The following ELAPOR1 variants were observed in gnomAD, a reference collection of about 807,000 sequenced individuals.
ELAPOR1 encodes endosome/lysosome-associated apoptosis and autophagy regulator 1.
ELAPOR1 carries 77 observed loss-of-function variants against 119.7 expected under a neutral mutation model. The ratio of observed to expected loss-of-function variants is 0.64; its 90% CI spans 0.54 to 0.78. The LOEUF (loss-of-function observed/expected upper bound fraction) is 0.78, where lower values mean the gene tolerates loss of function less well. Ranked by LOEUF, ELAPOR1 falls within the 30% of genes least tolerant of loss-of-function variation. The pLI, the probability that ELAPOR1 is intolerant of heterozygous loss-of-function variation, is 0.00. For synonymous variants in ELAPOR1, 481 were observed against 487.2 expected (o/e 0.99, Z 0.17); for missense variants, 1,115 against 1,270.4 (o/e 0.88, Z 1.86).
intron 2 of ELAPOR1, among the ~76,000 whole-genome samples, chr1:109,163,081 A>T (rs1482936210): frequency 6.6e-6 from 1 of 152,236 alleles, no homozygotes; most frequent in African/African-American, 2.4e-5. Context: ...GACATATATG[A>T]TATGAGAAAG....
chr1:109,160,365 C>G (rs957485847), intron 1 of ELAPOR1, among the ~76,000 whole-genome samples: 1 of 151,358 alleles, frequency 6.6e-6, no homozygotes, highest in East Asian at 1.9e-4. Flanking sequence ...TCTGAAATGC[C>G]ACTGCTTCTA....
intron 1 of ELAPOR1, among the ~76,000 whole-genome samples, chr1:109,148,340 T>C (rs2101014059): frequency 6.6e-6 from 1 of 152,068 alleles, no homozygotes; most frequent in South Asian, 2.1e-4. Context: ...GGTTTCACCA[T>C]GTTGGCCAGG....
intron 15 of ELAPOR1, among the ~76,000 whole-genome samples, chr1:109,196,580 C>T (rs1653805978): frequency 6.7e-6 from 1 of 148,490 alleles, no homozygotes; most frequent in African/African-American, 2.5e-5. Flanking sequence ...AGTTCAAAGA[C>T]AAAAGAACTC....
At chr1:109,200,982 C>G (rs1654137428) in intron 21 of ELAPOR1, 82 bp downstream of exon 21, 3 of 1,392,050 alleles carry the variant, frequency 2.2e-6, no homozygotes, top group Non-Finnish European at 2.9e-6. Flanking sequence ...TGGTCCTGTA[C>G]CGTTCAGGGA....
At chr1:109,127,577 T>A (rs1167843066) in intron 1 of ELAPOR1, among the ~76,000 whole-genome samples, 1 of 152,042 alleles carries the variant, frequency 6.6e-6, no homozygotes, top group Non-Finnish European at 1.5e-5. Flanking sequence ...TTTATTTATT[T>A]ATTTTTTTGA....
At chr1:109,133,926 T>A (rs1384602435) in intron 1 of ELAPOR1, among the ~76,000 whole-genome samples, 2 of 152,216 alleles carry the variant, frequency 1.3e-5, no homozygotes, top group Admixed American at 6.5e-5. Context: ...ATTTCACTTT[T>A]GGATCCAGGC....
At chr1:109,123,906 G>T (rs183566440) in intron 1 of ELAPOR1, among the ~76,000 whole-genome samples, 4 of 152,216 alleles carry the variant, frequency 2.6e-5, no homozygotes, top group African/African-American at 7.2e-5. Flanking sequence ...GGGTTCAAGC[G>T]ATTCTCCTGC....
At chr1:109,127,182 G>T (rs1384726528) in intron 1 of ELAPOR1, among the ~76,000 whole-genome samples, 1 of 149,404 alleles carries the variant, frequency 6.7e-6, no homozygotes, top group Non-Finnish European at 1.5e-5. Flanking sequence ...TATTTCCTGG[G>T]CCCTCCACTG....
At chr1:109,122,534 G>T (rs1429606591) in intron 1 of ELAPOR1, among the ~76,000 whole-genome samples, 1 of 151,638 alleles carries the variant, frequency 6.6e-6, no homozygotes, top group South Asian at 2.1e-4. Flanking sequence ...GGTGGCCCAC[G>T]CCTGTAGACC....
intron 7 of ELAPOR1, among the ~76,000 whole-genome samples, chr1:109,178,000 C>A (rs1303319046): frequency 7.1e-6 from 1 of 140,718 alleles, no homozygotes; most frequent in Non-Finnish European, 1.5e-5. Flanking sequence ...TGAGTTTTTT[C>A]TTTTTTCTTT....
intron 8 of ELAPOR1, chr1:109,187,531 T>C (rs967512117): frequency 4.0e-6 from 4 of 1,001,204 alleles, no homozygotes; most frequent in South Asian, 9.4e-5. Context: ...CACGTTTTTG[T>C]CTGTGACTCG....
rs41279686 is a variant in ELAPOR1, at chr1:109,186,741, T to C, written c.1042-1436T>C. On this transcript the variant is annotated intron_variant, in intron 8 of 21. Transcript: ENST00000369939. ...CTGCTGCTCTTCTCCCTCCTGTTCA[T>C]AACATGTGACTGAATGTGGCTGTCT... 4,920 of 985,600 alleles carry C rather than the reference T, an allele frequency of 5.0e-3. 17 individuals carry two copies. The highest frequency in any genetic ancestry group is 5.7e-3 in the Non-Finnish European group (4,721 of 830,014). The allele number at this position is 985,600 out of a possible 1,614,324, so 61.1% of individuals were successfully genotyped here. A position where few individuals can be genotyped will look rare whatever the true frequency, so the allele number is the denominator to read the frequency against.
intron 1 of ELAPOR1, among the ~76,000 whole-genome samples, chr1:109,133,320 T>G (rs1349364922): frequency 6.6e-6 from 1 of 151,642 alleles, no homozygotes; most frequent in Non-Finnish European, 1.5e-5. Flanking sequence ...GACTGGAAAC[T>G]TGACCCTGAG....
rs188100037 is a variant in ELAPOR1 at position 109,115,509 on chromosome 1, G to T, written c.153+1173G>T. Among the ~76,000 whole-genome samples, 12 of 152,132 alleles carry T rather than the reference G, an allele frequency of 7.9e-5. No homozygotes were observed. In the East Asian group the frequency reaches 2.1e-3, roughly 27 times the overall value. On this transcript the variant is annotated intron_variant, in intron 1 of 21. Transcript: ENST00000369939. ...TGCCCCGGCCAGTCTCTAACTCCTGGGCTCAAGCGACTTCCCACCTCGGCC... is the reference window on the plus strand; with the variant it reads ...TGCCCCGGCCAGTCTCTAACTCCTGTGCTCAAGCGACTTCCCACCTCGGCC...
intron 3 of ELAPOR1, among the ~76,000 whole-genome samples, chr1:109,166,624 T>C (rs1007059380): frequency 6.6e-6 from 1 of 152,246 alleles, no homozygotes; most frequent in Non-Finnish European, 1.5e-5. Context: ...AGCAAGGTTA[T>C]GACCTGCTCT....
intron 1 of ELAPOR1, among the ~76,000 whole-genome samples, 198 bp downstream of exon 1, chr1:109,114,534 C>T (rs1647858366): frequency 6.6e-6 from 1 of 152,132 alleles, no homozygotes; most frequent in African/African-American, 2.4e-5. Flanking sequence ...ACGGATAGAT[C>T]ATCCTCACAG....
chr1:109,198,092 A>G lies in ELAPOR1; in HGVS notation c.2399+17A>G. The G allele has an allele frequency of 6.3e-7, 1 of 1,592,000 alleles. No homozygotes were observed. Among genetic ancestry groups the G allele is most frequent in the Non-Finnish European group, 8.6e-7 (1 of 1,159,906 alleles). On this transcript the variant is annotated intron_variant, in intron 17 of 21. Transcript: ENST00000369939. ...CTTTTATAGGTGAAGATGAGAGGCT[A>G]GGCTAATGCAAGTGAAACCTAGGAC...
intron 1 of ELAPOR1, among the ~76,000 whole-genome samples, chr1:109,160,862 CAATT>C (rs1487488256): frequency 1.3e-5 from 2 of 152,148 alleles, no homozygotes; most frequent in Non-Finnish European, 2.9e-5. Context: ...TTTGGCACAT[CAATT>C]GTGTTTTCTT....
chr1:109,191,429 T>C lies in ELAPOR1; in HGVS notation c.1503T>C (p.Phe501=), dbSNP rs148488341. The C allele has an allele frequency of 6.2e-7, 1 of 1,612,888 alleles. No homozygotes were observed. Among genetic ancestry groups the C allele is most frequent in the African/African-American group, 1.3e-5 (1 of 75,048 alleles). Residue 501 remains phenylalanine (F), a synonymous_variant, in exon 12 of 22, where the codon TTT becomes TTC. Coordinates refer to ENST00000369939, the MANE Select transcript of ELAPOR1 (RefSeq NM_020775.5). ...NKEVARITFV[F]ETLCSVNCEL... ...AGGTGGCCAGAATCACATTTGTCTT[T>C]GAGACCCTCTGTTCTGTGAACTGTG...
Sources: allele counts gnomAD v4.1 joint callset (sites outside exome capture counted in the v4.1 genomes callset), GRCh38; gene constraint gnomAD v4.1.1; transcripts MANE v1.5; gene names NCBI Gene and HGNC (gene_info 2026-07-23, HGNC 2026-07-21).